The following VPS35L variants were observed in gnomAD, a reference collection of about 807,000 sequenced individuals.
VPS35L encodes VPS35 endosomal protein sorting factor like.
A neutral mutation model predicts 133.0 loss-of-function variants in VPS35L; 83 were observed. The ratio of observed to expected loss-of-function variants is 0.62; its 90% confidence interval spans 0.52 to 0.75. The LOEUF is 0.75. VPS35L is among the 30% of genes least tolerant of loss of function. VPS35L has a pLI of 0.00. For synonymous variants in VPS35L, 423 were observed against 449.9 expected (o/e 0.94, Z 0.76); for missense variants, 1,083 against 1,206.8 (o/e 0.90, Z 1.52).
At position 19,555,763 on chromosome 16, in the gene VPS35L, GGGT is replaced by G; in HGVS notation, c.17+20_17+22del. The G allele has an allele frequency of 1.3e-6, 2 of 1,568,120 alleles. No homozygotes were observed. Among genetic ancestry groups the G allele is most frequent in the Non-Finnish European group, 1.7e-6 (2 of 1,157,908 alleles). ...CTTTCCTTGGTAAGGAAGCAGCGGC[GGGT>G]GGGCTTTGGAGAGGGGCTGTCCTTA... On this transcript the variant is annotated intron_variant, in intron 1 of 30. Coordinates refer to ENST00000417362, the MANE Select transcript of VPS35L (RefSeq NM_020314.7).
chr16:19,629,177 A>G (rs1973368166), intron 17 of VPS35L, among the ~76,000 whole-genome samples: 1 of 152,150 alleles, frequency 6.6e-6, no homozygotes, highest in Non-Finnish European at 1.5e-5. Context: ...CACACCTATA[A>G]TCTCAGCACT....
In VPS35L at chr16:19,699,739, C is replaced by A; in HGVS notation, c.2793+91C>A. 1.3e-6 allele frequency: 2 copies of A among 1,502,520 alleles called. No homozygotes were observed. Among genetic ancestry groups the A allele is most frequent in the South Asian group, 1.1e-5 (1 of 87,096 alleles). 93.1% of individuals were successfully genotyped at this position (1,502,520 alleles called of 1,614,324 possible). The stretch of plus-strand genomic sequence containing the variant: ...CATTGTGGCCTGGACATCAGACAGA[C>A]AACCCCATACTCCCCTTTTAGAAAA... On this transcript the variant is annotated intron_variant, in intron 30 of 30. Coordinates refer to ENST00000417362, the MANE Select transcript of VPS35L (RefSeq NM_020314.7). This position sits in a 1 kb window ranked among gnomAD's most constrained non-coding sequence, Gnocchi z 4.2.
intron 12 of VPS35L, among the ~76,000 whole-genome samples, chr16:19,613,674 G>A (rs1198230665): frequency 6.6e-6 from 1 of 152,194 alleles, no homozygotes; most frequent in Non-Finnish European, 1.5e-5. Context: ...ATTACCTCGG[G>A]TTGTTTGTCC....
chr16:19,598,760 G>T (rs1597344924), intron 8 of VPS35L, among the ~76,000 whole-genome samples: 1 of 151,684 alleles, frequency 6.6e-6, no homozygotes, highest in Non-Finnish European at 1.5e-5. Flanking sequence ...CTCCAGCCTG[G>T]GTGACAGAGC....
intron 28 of VPS35L, among the ~76,000 whole-genome samples, chr16:19,685,962 A>C (rs1975444554): frequency 6.6e-6 from 1 of 152,154 alleles, no homozygotes; most frequent in African/African-American, 2.4e-5. Context: ...CCTTTCTCTG[A>C]ACAAGGCCGC....
intron 14 of VPS35L, among the ~76,000 whole-genome samples, chr16:19,622,894 A>G (rs1183717931): frequency 1.3e-5 from 2 of 152,154 alleles, no homozygotes; most frequent in Non-Finnish European, 2.9e-5. Flanking sequence ...TGGCCTCCAC[A>G]TATAATTCCA....
In VPS35L at chr16:19,652,009, T is replaced by C. The variant is rs1974144407; in HGVS notation, c.2140T>C (p.Ser714Pro). 1 of 1,613,540 alleles carries C rather than the reference T, an allele frequency of 6.2e-7. No individual in the cohort carries two copies. Among genetic ancestry groups the C allele is most frequent in the Non-Finnish European group, 8.5e-7 (1 of 1,179,690 alleles). ...TGCCTACTGCTTCATCACCATCCCC[T>C]CCCTGGCGGGCATCTTCACACGTCT... ...CVAYCFITIP[S>P]LAGIFTRLNL... Residue 714 changes from serine (S) to proline (P), a missense_variant, in exon 26 of 31, where the codon TCC becomes CCC. Physicochemically the swap from Ser to Pro is moderately conservative, Grantham distance 74. Coordinates refer to ENST00000417362, the MANE Select transcript of VPS35L (RefSeq NM_020314.7).
rs115962490 is a variant in VPS35L, at chr16:19,560,396, A to G, written c.18-4455A>G. ...GCTGTTGATTGTTAGTAATTCCAATAGGGACAGAAAACACATTTGGAACAG... is the reference window on the plus strand; with the variant it reads ...GCTGTTGATTGTTAGTAATTCCAATGGGGACAGAAAACACATTTGGAACAG... On this transcript the variant is annotated intron_variant, in intron 1 of 30. Coordinates refer to ENST00000417362, the MANE Select transcript of VPS35L (RefSeq NM_020314.7). Among the ~76,000 whole-genome samples, 897 of 152,368 alleles carry G rather than the reference A, an allele frequency of 5.9e-3. 2 individuals carry two copies. The highest frequency in any genetic ancestry group is 1.0e-2 in the Non-Finnish European group (678 of 68,032).
chr16:19,563,905 C>T (rs938321951), intron 1 of VPS35L, among the ~76,000 whole-genome samples: 2 of 152,178 alleles, frequency 1.3e-5, no homozygotes, highest in African/African-American at 2.4e-5. Flanking sequence ...AGCTGCTCTG[C>T]TGCCTCACAG....
chr16:19,618,859 G>A (rs1387338592), intron 14 of VPS35L, among the ~76,000 whole-genome samples: 1 of 151,698 alleles, frequency 6.6e-6, no homozygotes. Flanking sequence ...AAGGAGAAAT[G>A]ACAGAACATC....
intron 26 of VPS35L, among the ~76,000 whole-genome samples, chr16:19,655,865 CTCTT>C (rs1260125312): frequency 1.3e-5 from 2 of 152,200 alleles, no homozygotes; most frequent in Non-Finnish European, 2.9e-5. Flanking sequence ...TTGTCAATGG[CTCTT>C]TCTAGAAAAT....
At chr16:19,642,078 C>T (rs565238518) in intron 21 of VPS35L, among the ~76,000 whole-genome samples, 37 of 152,192 alleles carry the variant, frequency 2.4e-4, no homozygotes, top group African/African-American at 4.8e-4. Context: ...GGTGTGGTGA[C>T]GCACGTATGT....
intron 15 of VPS35L, among the ~76,000 whole-genome samples, chr16:19,626,711 G>A (rs1036122790): frequency 4.6e-5 from 7 of 151,772 alleles, no homozygotes; most frequent in Non-Finnish European, 7.4e-5. Context: ...TCAGTGAGCC[G>A]AGATCATGAC....
At position 19,608,187 on chromosome 16, in the gene VPS35L, C is replaced by T; in HGVS notation, c.794C>T (p.Ser265Phe). The change falls in exon 10 of 31, where the codon TCT becomes TTT. Residue 265 changes from serine (S) to phenylalanine (F), a missense_variant. Physicochemically the swap from Ser to Phe is radical, Grantham distance 155. Transcript: ENST00000417362. The part of the protein sequence containing the change: ...DSRSVLPDHF[S>F]PENANDTAKE... ...GTTTTTTGTATTACAGATCACTTTT[C>T]TCCAGAGAATGCAAATGACACGGCC... is the stretch of plus-strand genomic sequence containing the variant. 1.9e-6 allele frequency: 3 copies of T among 1,612,720 alleles called. No individual in the cohort carries two copies. The highest frequency in any genetic ancestry group is 2.5e-6 in the Non-Finnish European group (3 of 1,178,996).
At chr16:19,609,050 A>G in intron 11 of VPS35L, 29 bp downstream of exon 11, 2 of 1,599,326 alleles carry the variant, frequency 1.3e-6, no homozygotes, top group Admixed American at 1.7e-5. Flanking sequence ...ATCTAGAACC[A>G]TAAAATTTCT....
intron 9 of VPS35L, among the ~76,000 whole-genome samples, chr16:19,603,090 C>T (rs1185116038): frequency 6.6e-6 from 1 of 152,054 alleles, no homozygotes. Flanking sequence ...ATTTAATGTG[C>T]ACATTTGTCA....
At position 19,593,937 on chromosome 16, in the gene VPS35L, G is replaced by GA. The variant is rs372086435; in HGVS notation, c.724+2072dup. Among the ~76,000 whole-genome samples, 14 of 150,578 alleles carry GA rather than the reference G, an allele frequency of 9.3e-5. No individual in the cohort carries two copies. In the East Asian group the frequency reaches 2.0e-3, roughly 21 times the overall value. On this transcript the variant is annotated intron_variant, in intron 8 of 30. Coordinates refer to ENST00000417362, the MANE Select transcript of VPS35L (RefSeq NM_020314.7). ...GTCTCCAAAAAAAAAAAAGAAAAGA[G>GA]AAAAAAAAAGACCTTGCCCTTGGTT... is the stretch of plus-strand genomic sequence containing the variant.
chr16:19,687,957 C>G (rs938928445), intron 28 of VPS35L, among the ~76,000 whole-genome samples: 14 of 151,244 alleles, frequency 9.3e-5, no homozygotes, highest in Non-Finnish European at 1.5e-4. Flanking sequence ...TACAAAAATA[C>G]AAAATGTAGC....
At chr16:19,652,332 GTTTTTA>G (rs1211525918) in intron 26 of VPS35L, 1 of 369,240 alleles carries the variant, frequency 2.7e-6, no homozygotes, top group African/African-American at 2.1e-5. Flanking sequence ...CACAGCTAAT[GTTTTTA>G]TTTTTATTTT....
Sources: gnomAD v4.1 joint callset for allele counts (sites outside exome capture counted in the v4.1 genomes callset) on GRCh38, gnomAD v4.1.1 for gene constraint, Gnocchi (gnomAD v3.1) non-coding constraint, MANE v1.5 for transcripts, NCBI Gene and HGNC (gene_info 2026-07-23, HGNC 2026-07-21) for gene names.